Variants in RANBP17 observed in about 807,000 individuals in gnomAD.
The protein encoded by RANBP17 is ran-binding protein 17.
A neutral mutation model predicts 141.2 loss-of-function variants in RANBP17; 158 were observed. That is an observed-to-expected ratio of 1.12 (90% CI 0.98 to 1.28). The LOEUF is 1.28. RANBP17 is among the 50% of genes most tolerant of loss of function. The pLI, the probability that RANBP17 is intolerant of heterozygous loss-of-function variation, is 0.00. For synonymous variants in RANBP17, 430 were observed against 450.0 expected (o/e 0.96, Z 0.56); for missense variants, 1,438 against 1,290.7 (o/e 1.11, Z -1.75).
chr5:171,061,591 G>T (rs1202827943), intron 14 of RANBP17, among the ~76,000 whole-genome samples: 1 of 151,922 alleles, frequency 6.6e-6, no homozygotes, highest in Non-Finnish European at 1.5e-5. Flanking sequence ...ACTATGTGGT[G>T]AATTTTGGAA....
chr5:171,257,022 G>T (rs1263118366), intron 24 of RANBP17, among the ~76,000 whole-genome samples: 1 of 152,094 alleles, frequency 6.6e-6, no homozygotes, highest in Non-Finnish European at 1.5e-5. Flanking sequence ...CAGTCCTCCT[G>T]AAACTGTTCC....
chr5:171,034,893 G>A (rs985285095), intron 14 of RANBP17, among the ~76,000 whole-genome samples: 3 of 151,954 alleles, frequency 2.0e-5, no homozygotes, highest in Admixed American at 6.6e-5. Flanking sequence ...CATGGCTCAC[G>A]GCTCCTGGCA....
At chr5:171,295,256 A>G (rs1372646352) in intron 26 of RANBP17, among the ~76,000 whole-genome samples, 3 of 152,212 alleles carry the variant, frequency 2.0e-5, no homozygotes, top group African/African-American at 7.2e-5. Context: ...AGTCCTCAGC[A>G]GAGAAGAAAA....
intron 14 of RANBP17, among the ~76,000 whole-genome samples, chr5:171,004,550 G>C (rs377257937): frequency 7.2e-4 from 109 of 152,182 alleles, no homozygotes; most frequent in African/African-American, 2.5e-3. Flanking sequence ...CCCCCGTATC[G>C]ATTAAACAGG....
At chr5:171,052,269 TTATC>T (rs1783002044) in intron 14 of RANBP17, among the ~76,000 whole-genome samples, 1 of 152,216 alleles carries the variant, frequency 6.6e-6, no homozygotes, top group African/African-American at 2.4e-5. Context: ...GATGTCTAAT[TTATC>T]TATTCTTTGG....
At chr5:171,277,637 G>GTGTATATATATATATATGTA (rs1437482589) in intron 25 of RANBP17, among the ~76,000 whole-genome samples, 1 of 56,904 alleles carries the variant, frequency 1.8e-5, no homozygotes, top group Non-Finnish European at 3.4e-5. Context: ...ATATATGTAT[G>GTGTATATATATATATATGTA]TATATATATA....
intron 12 of RANBP17, among the ~76,000 whole-genome samples, chr5:170,928,054 A>T (rs1379453977): frequency 2.6e-5 from 4 of 152,100 alleles, no homozygotes; most frequent in Non-Finnish European, 5.9e-5. Context: ...TAGGCACTCT[A>T]CTGGGTGTCT....
intron 14 of RANBP17, among the ~76,000 whole-genome samples, chr5:171,037,593 A>C (rs1781964262): frequency 6.6e-6 from 1 of 152,078 alleles, no homozygotes; most frequent in South Asian, 2.1e-4. Flanking sequence ...AAATCTGTTA[A>C]TCGGTCGAGT....
At chr5:171,207,065 G>A (rs549215973) in intron 20 of RANBP17, 121 of 166,928 alleles carry the variant, frequency 7.2e-4, no homozygotes, top group African/African-American at 2.7e-3. Flanking sequence ...GGGCTCAAGC[G>A]ATCCTCCCAC....
chr5:171,272,029 C>T (rs1314824314), intron 25 of RANBP17, among the ~76,000 whole-genome samples: 14 of 152,188 alleles, frequency 9.2e-5, no homozygotes, highest in Admixed American at 9.2e-4. Flanking sequence ...AGAAAGAGAT[C>T]ATGTCCTTTG....
intron 14 of RANBP17, among the ~76,000 whole-genome samples, chr5:171,064,377 T>C (rs1784150312): frequency 6.6e-6 from 1 of 152,270 alleles, no homozygotes; most frequent in Non-Finnish European, 1.5e-5. Flanking sequence ...AATTGACTTT[T>C]ATTGTAATTT....
At chr5:171,025,734 A>G (rs926813628) in intron 14 of RANBP17, among the ~76,000 whole-genome samples, 1 of 151,610 alleles carries the variant, frequency 6.6e-6, no homozygotes, top group African/African-American at 2.4e-5. Context: ...ATGCCCAAGT[A>G]ATTGTTGTTG....
At chr5:170,929,612 A>G (rs974745080) in intron 12 of RANBP17, among the ~76,000 whole-genome samples, 5 of 152,156 alleles carry the variant, frequency 3.3e-5, no homozygotes, top group Non-Finnish European at 5.9e-5. Context: ...TGTTAAATTC[A>G]ATTTGCAACA....
chr5:171,006,768 G>A (rs560665434), intron 14 of RANBP17, among the ~76,000 whole-genome samples: 30 of 151,404 alleles, frequency 2.0e-4, no homozygotes, highest in South Asian at 2.1e-4. Flanking sequence ...AGAATAGGTC[G>A]GCCTTCTGGC....
intron 14 of RANBP17, among the ~76,000 whole-genome samples, chr5:171,024,321 A>G (rs2127607797): frequency 6.6e-6 from 1 of 152,266 alleles, no homozygotes; most frequent in South Asian, 2.1e-4. Context: ...AAAAAACAGG[A>G]ATTGACAGAC....
At chr5:171,014,659 G>T (rs1780312806) in intron 14 of RANBP17, among the ~76,000 whole-genome samples, 1 of 151,736 alleles carries the variant, frequency 6.6e-6, no homozygotes, top group African/African-American at 2.4e-5. Flanking sequence ...TAATACTGTG[G>T]TATTACTTTT....
At chr5:171,174,751 A>AATGT (rs113368713) in intron 16 of RANBP17, among the ~76,000 whole-genome samples, 2 of 135,622 alleles carry the variant, frequency 1.5e-5, no homozygotes, top group Non-Finnish European at 3.1e-5. Context: ...AAATATCTAG[A>AATGT]GTGTGTGTGT....
intron 14 of RANBP17, among the ~76,000 whole-genome samples, chr5:171,034,778 G>A (rs1389854482): frequency 1.3e-5 from 2 of 151,976 alleles, no homozygotes; most frequent in African/African-American, 4.8e-5. Flanking sequence ...AGCATCTTTT[G>A]GGGGAAAAAG....
At chr5:170,996,036 T>TA (rs560099725) in intron 14 of RANBP17, among the ~76,000 whole-genome samples, 24 of 146,628 alleles carry the variant, frequency 1.6e-4, no homozygotes, top group South Asian at 2.2e-4. Flanking sequence ...AATTGTCTCT[T>TA]AAAAAAAAAA....
Sources: allele counts gnomAD v4.1 joint callset (sites outside exome capture counted in the v4.1 genomes callset), GRCh38; gene constraint gnomAD v4.1.1; transcripts MANE v1.5; gene names NCBI Gene and HGNC (gene_info 2026-07-23, HGNC 2026-07-21).